Variants in CACNA2D3 observed in about 807,000 individuals in gnomAD.
CACNA2D3 encodes the protein calcium voltage-gated channel auxiliary subunit alpha2delta 3, also known as voltage-dependent calcium channel subunit alpha-2/delta-3.
Under a neutral mutation model 160.6 loss-of-function variants are expected in CACNA2D3, and 60 were observed. The ratio of observed to expected loss-of-function variants is 0.37; its 90% confidence interval spans 0.30 to 0.46. The LOEUF is 0.46. Among genes scored for constraint, CACNA2D3 ranks in the 20% least tolerant of loss-of-function variants. The probability of loss-of-function intolerance (pLI) is 1.00; values close to 1 mark genes in which losing one functional copy is unlikely to be tolerated. For missense variants in CACNA2D3, 1,205 were observed against 1,365.0 expected (o/e 0.88, Z 1.85); for synonymous variants, 558 against 492.9 (o/e 1.13, Z -1.75).
intron 2 of CACNA2D3, among the ~76,000 whole-genome samples, chr3:54,201,071 T>G (rs1373356684): frequency 1.3e-5 from 2 of 152,232 alleles, no homozygotes; most frequent in African/African-American, 2.4e-5. Flanking sequence ...AGACGCTCTG[T>G]AAATGTGAAA....
At chr3:54,705,028 C>T (rs936695961) in intron 11 of CACNA2D3, among the ~76,000 whole-genome samples, 2 of 152,112 alleles carry the variant, frequency 1.3e-5, no homozygotes, top group African/African-American at 4.8e-5. Flanking sequence ...TGGAGTGTAG[C>T]TGGCCCAGCC....
At chr3:54,480,455 C>T (rs1362258106) in intron 4 of CACNA2D3, among the ~76,000 whole-genome samples, 1 of 152,138 alleles carries the variant, frequency 6.6e-6, no homozygotes, top group East Asian at 1.9e-4. Flanking sequence ...CCATATTTTA[C>T]TGTCTTGGGT....
At chr3:54,758,196 A>G (rs1033553553) in intron 12 of CACNA2D3, among the ~76,000 whole-genome samples, 1 of 152,190 alleles carries the variant, frequency 6.6e-6, no homozygotes, top group Non-Finnish European at 1.5e-5. Context: ...GCAAGGTGTG[A>G]TGGGTGTAGC....
intron 2 of CACNA2D3, among the ~76,000 whole-genome samples, chr3:54,204,640 C>CA (rs1701238719): frequency 6.6e-6 from 1 of 151,414 alleles, no homozygotes. Context: ...ACTAAAAATA[C>CA]AAAAAATTAG....
In CACNA2D3 at chr3:54,980,663, C is replaced by G. The variant is rs146866938; in HGVS notation, c.2557-3945C>G. Among the ~76,000 whole-genome samples, 9 of 152,278 alleles carry G rather than the reference C, an allele frequency of 5.9e-5. No homozygotes were observed. The East Asian group carries it at 1.7e-3, about 29-fold the overall frequency. Reference sequence around the variant, plus strand: ...TGCCGAGCCTAGGACACCATAAGGTCTGACTGTTTCCAGCATAACTAGAGG... The same window carrying G: ...TGCCGAGCCTAGGACACCATAAGGTGTGACTGTTTCCAGCATAACTAGAGG... On this transcript the variant is annotated intron_variant, in intron 29 of 37. Transcript: ENST00000474759.
chr3:54,350,998 T>TTTTTC (rs1698553710), intron 3 of CACNA2D3, among the ~76,000 whole-genome samples: 1 of 123,752 alleles, frequency 8.1e-6, no homozygotes, highest in African/African-American at 3.0e-5. Flanking sequence ...TTTTTTTTTT[T>TTTTTC]TTTTTTTTGA....
chr3:54,251,462 T>C (rs1445935786), intron 2 of CACNA2D3, among the ~76,000 whole-genome samples: 3 of 152,228 alleles, frequency 2.0e-5, no homozygotes, highest in African/African-American at 7.2e-5. Flanking sequence ...TTGAAGAAGA[T>C]GACAAACCTA....
At chr3:54,306,007 C>G (rs947403557) in intron 2 of CACNA2D3, among the ~76,000 whole-genome samples, 1 of 152,116 alleles carries the variant, frequency 6.6e-6, no homozygotes, top group East Asian at 1.9e-4. Context: ...GAAGAAACAC[C>G]TGTGTTTCTG....
intron 27 of CACNA2D3, among the ~76,000 whole-genome samples, chr3:54,907,073 CA>C (rs1319034378): frequency 3.3e-5 from 5 of 152,318 alleles, no homozygotes; most frequent in African/African-American, 1.2e-4. Flanking sequence ...CTAAACTCCT[CA>C]AAAGCCCCAA....
chr3:54,419,083 A>C (rs925201414), intron 4 of CACNA2D3, among the ~76,000 whole-genome samples: 1 of 152,224 alleles, frequency 6.6e-6, no homozygotes, highest in African/African-American at 2.4e-5. Flanking sequence ...GATGAGAGTT[A>C]AAATACAATT....
At chr3:54,786,128 A>G (rs1252067763) in intron 13 of CACNA2D3, among the ~76,000 whole-genome samples, 1 of 152,202 alleles carries the variant, frequency 6.6e-6, no homozygotes, top group Non-Finnish European at 1.5e-5. Context: ...TTACTCTCTC[A>G]TAGAACCACT....
chr3:54,887,442 T>C (rs1397538230), intron 23 of CACNA2D3, among the ~76,000 whole-genome samples: 1 of 151,380 alleles, frequency 6.6e-6, no homozygotes, highest in African/African-American at 2.4e-5. Flanking sequence ...AATAAACAAA[T>C]AAATAAAAAT....
intron 11 of CACNA2D3, among the ~76,000 whole-genome samples, chr3:54,703,717 C>T (rs1482567815): frequency 6.6e-6 from 1 of 152,070 alleles, no homozygotes; most frequent in East Asian, 1.9e-4. Flanking sequence ...TTGTTCATAC[C>T]TTCACACTGA....
chr3:54,224,059 A>T (rs901269723), intron 2 of CACNA2D3, among the ~76,000 whole-genome samples: 2 of 151,754 alleles, frequency 1.3e-5, no homozygotes, highest in Non-Finnish European at 2.9e-5. Flanking sequence ...TTTTTTACTT[A>T]AAACATTTTT....
intron 14 of CACNA2D3, among the ~76,000 whole-genome samples, chr3:54,817,647 C>T (rs898400733): frequency 1.3e-5 from 2 of 152,166 alleles, no homozygotes; most frequent in African/African-American, 2.4e-5. Flanking sequence ...AGGGCACCCC[C>T]CTGAAATTTA....
chr3:54,789,090 A>G (rs1439235244), intron 13 of CACNA2D3, among the ~76,000 whole-genome samples: 1 of 152,204 alleles, frequency 6.6e-6, no homozygotes, highest in East Asian at 1.9e-4. Flanking sequence ...ACATAACTAT[A>G]TGTCAAGAAT....
chr3:54,762,807 C>T (rs1702103042), intron 12 of CACNA2D3, among the ~76,000 whole-genome samples: 1 of 152,172 alleles, frequency 6.6e-6, no homozygotes, highest in South Asian at 2.1e-4. Context: ...ATCATGTCTA[C>T]CTGGCTGGGC....
chr3:54,919,014 T>C, intron 27 of CACNA2D3: 1 of 763,422 alleles, frequency 1.3e-6, no homozygotes, highest in South Asian at 3.2e-5. Context: ...TTTTAAATCC[T>C]GGAGTCAAAG....
At chr3:54,802,239 G>C (rs928814542) in intron 13 of CACNA2D3, among the ~76,000 whole-genome samples, 3 of 152,086 alleles carry the variant, frequency 2.0e-5, no homozygotes, top group Non-Finnish European at 4.4e-5. Flanking sequence ...TAAAGAGCTA[G>C]AGAAGGAAGG....
Sources: gnomAD v4.1 joint callset for allele counts (sites outside exome capture counted in the v4.1 genomes callset) on GRCh38, gnomAD v4.1.1 for gene constraint, MANE v1.5 for transcripts, NCBI Gene and HGNC (gene_info 2026-07-23, HGNC 2026-07-21) for gene names.